GLP1R: variants seen among roughly 807,000 people sequenced by gnomAD.
GLP1R encodes the protein glucagon-like peptide 1 receptor.
Under a neutral mutation model 68.4 loss-of-function variants are expected in GLP1R, and 32 were observed. That is an observed-to-expected ratio of 0.47 (90% confidence interval 0.35 to 0.63). The LOEUF is 0.63. GLP1R is among the 20% of genes least tolerant of loss of function. GLP1R has a pLI of 0.00. For missense variants in GLP1R, 502 were observed against 594.9 expected (o/e 0.84, Z 1.62); for synonymous variants, 263 against 244.4 (o/e 1.08, Z -0.71).
rs758868498 is a variant in GLP1R, at chr6:39,065,822, G to T, written c.395G>T (p.Gly132Val). The T allele has an allele frequency of 4.4e-6, 7 of 1,590,962 alleles. No individual in the cohort carries two copies. In the South Asian group the frequency reaches 4.5e-5, roughly 10 times the overall value. ...DLSECEESKR[G>V]ERSSPEEQLL... The stretch of plus-strand genomic sequence containing the variant: ...TCGGAGTGCGAGGAGTCCAAGCGAG[G>T]GGAAAGAGTGAGTTGAGGCGGGGTT... Residue 132 changes from glycine to valine, a missense_variant, in exon 4 of 13, where the codon GGG becomes GTG. Physicochemically the swap from Gly to Val is moderately radical, Grantham distance 109. Transcript: ENST00000373256.
At position 39,049,274 on chromosome 6, in the gene GLP1R, G is replaced by A. The variant is rs1229372053; in HGVS notation, c.78+356G>A. ...CAACTCCTTCTAAACCGTGTCAGCG[G>A]CCCTGGCACAGCCCGGCATCCTCCC... On this transcript the variant is annotated intron_variant, in intron 1 of 12. Transcript: ENST00000373256. The surrounding 1 kb of genome is among the most constrained non-coding windows in gnomAD (Gnocchi z 4.5). Among the ~76,000 whole-genome samples, 1 of 152,116 alleles carries A rather than the reference G, an allele frequency of 6.6e-6. No homozygotes were observed.
chr6:39,054,151 G>C (rs969476304), intron 1 of GLP1R, among the ~76,000 whole-genome samples: 4 of 151,978 alleles, frequency 2.6e-5, no homozygotes, highest in African/African-American at 9.7e-5. Flanking sequence ...TGCCTTCCCT[G>C]TTATGTCACT....
rs1214298404 is a variant in GLP1R, at chr6:39,088,287, C to T, written c.*2214C>T. Reference sequence around the variant, plus strand: ...GAAATCTTTTCTTTGCTCCAACCCCCGCTCCCCCGGCCCCCCGAAGCTATT... The same window carrying T: ...GAAATCTTTTCTTTGCTCCAACCCCTGCTCCCCCGGCCCCCCGAAGCTATT... On this transcript the variant is annotated 3_prime_UTR_variant, in exon 13 of 13. Transcript: ENST00000373256. Among the ~76,000 whole-genome samples, 12 of 151,838 alleles carry T rather than the reference C, an allele frequency of 7.9e-5. No homozygotes were observed. The highest frequency in any genetic ancestry group is 1.6e-4 in the Non-Finnish European group (11 of 67,986).
rs17848990 is a variant in GLP1R, at chr6:39,057,761, C to T, written c.283+182C>T. Among the ~76,000 whole-genome samples, 426 of 149,454 alleles carry T rather than the reference C, an allele frequency of 2.9e-3. 6 individuals carry two copies. The highest frequency in any genetic ancestry group is 0.028 in the East Asian group (141 of 5,000). On this transcript the variant is annotated intron_variant, in intron 3 of 12. Coordinates refer to ENST00000373256, the MANE Select transcript of GLP1R (RefSeq NM_002062.5). ...CCTGCCCTGGGCCAGCAGTGGTGAG[C>T]CCCCTCCCTAACCTGGTACCTGCCG...
intron 7 of GLP1R, 53 bp downstream of exon 7, chr6:39,073,822 T>G: frequency 6.6e-7 from 1 of 1,516,582 alleles, no homozygotes; most frequent in South Asian, 1.1e-5. Context: ...TGGGAGACCT[T>G]GACCCCTCTT....
At chr6:39,076,020 C>T (rs12204668) in intron 7 of GLP1R, among the ~76,000 whole-genome samples, 47,134 of 152,114 alleles carry the variant, frequency 0.31, 7,928 homozygotes, top group Non-Finnish European at 0.38. Context: ...TGTTTGCATG[C>T]AGCAGGGCTT....
chr6:39,080,145 T>C (rs1768957665), intron 11 of GLP1R, among the ~76,000 whole-genome samples: 1 of 151,098 alleles, frequency 6.6e-6, no homozygotes, highest in South Asian at 2.1e-4. Context: ...TAGCATTAGA[T>C]GATGCTAAGG....
At chr6:39,050,062 A>G (rs1768049656) in intron 1 of GLP1R, among the ~76,000 whole-genome samples, 1 of 152,150 alleles carries the variant, frequency 6.6e-6, no homozygotes, top group African/African-American at 2.4e-5. Flanking sequence ...CATACCTCTC[A>G]GCTAAGATGC....
chr6:39,064,149 G>T (rs1562008168), intron 3 of GLP1R, among the ~76,000 whole-genome samples: 1 of 151,770 alleles, frequency 6.6e-6, no homozygotes, highest in Non-Finnish European at 1.5e-5. Flanking sequence ...GACTACAGGC[G>T]CACGCCACCA....
intron 1 of GLP1R, among the ~76,000 whole-genome samples, chr6:39,051,892 T>TG (rs1462606600): frequency 8.8e-4 from 114 of 129,654 alleles, no homozygotes; most frequent in African/African-American, 2.6e-3. Flanking sequence ...TGTGTGTGTG[T>TG]GTGGGGGGGG....
rs548361141 is a variant in GLP1R at position 39,088,838 on chromosome 6, CT to C, written c.*2766del. 2.5e-4 allele frequency among the ~76,000 whole-genome samples: 38 copies of C among 152,308 alleles called. No individual in the cohort carries two copies. Among genetic ancestry groups the C allele is most frequent in the African/African-American group, 7.7e-4 (32 of 41,560 alleles). On this transcript the variant is annotated 3_prime_UTR_variant, in exon 13 of 13. Coordinates refer to ENST00000373256, the MANE Select transcript of GLP1R (RefSeq NM_002062.5). ...CAGAGAAAGACCTTGGTGATCCCCC[CT>C]GGCCCGATCTATAGGATTGAGGAAT...
intron 5 of GLP1R, among the ~76,000 whole-genome samples, chr6:39,070,943 TAAATA>T (rs1768643882): frequency 6.6e-6 from 1 of 151,974 alleles, no homozygotes; most frequent in South Asian, 2.1e-4. Flanking sequence ...TTAGTATTGA[TAAATA>T]AAATTTATCA....
intron 3 of GLP1R, among the ~76,000 whole-genome samples, chr6:39,059,179 C>T (rs1307154368): frequency 6.6e-6 from 1 of 152,242 alleles, no homozygotes; most frequent in Non-Finnish European, 1.5e-5. Context: ...TTCTCCAATA[C>T]TGCCTGTTGG....
chr6:39,086,206 T>C lies in GLP1R; in HGVS notation c.*133T>C, dbSNP rs3138768. 4,232 of 408,178 alleles carry C rather than the reference T, an allele frequency of 0.01. 89 individuals are homozygous for C. Among genetic ancestry groups the C allele is most frequent in the African/African-American group, 0.08 (2,392 of 30,080 alleles). The allele number at this position is 408,178 out of a possible 1,614,324, so 25.3% of individuals were successfully genotyped here. ...ACACACACACACACACACACACACA[T>C]ACATCCTGCTTTCCCTCCCCAAACC... On this transcript the variant is annotated 3_prime_UTR_variant, in exon 13 of 13. Coordinates refer to ENST00000373256, the MANE Select transcript of GLP1R (RefSeq NM_002062.5). This position sits in a 1 kb window ranked among gnomAD's most constrained non-coding sequence, Gnocchi z 4.5.
At position 39,089,478 on chromosome 6, in the gene GLP1R, CCCTT is replaced by C. The variant is rs1407961371; in HGVS notation, c.*3408_*3411del. Among the ~76,000 whole-genome samples the C allele has an allele frequency of 5.9e-5, 9 of 152,180 alleles. No homozygotes were observed. The highest frequency in any genetic ancestry group is 1.2e-4 in the Non-Finnish European group (8 of 68,036). ...CCACAAAGGGCAAATGGAGTCAACT[CCCTT>C]CCATGCTCTGAAGGTCTTGGCCACT... On this transcript the variant is annotated 3_prime_UTR_variant, in exon 13 of 13. Transcript: ENST00000373256. The surrounding 1 kb of genome is among the most constrained non-coding windows in gnomAD (Gnocchi z 4.1).
intron 12 of GLP1R, among the ~76,000 whole-genome samples, chr6:39,081,192 C>A (rs1769004567): frequency 6.6e-6 from 1 of 152,064 alleles, no homozygotes; most frequent in African/African-American, 2.4e-5. Flanking sequence ...TTTATATATA[C>A]ATGAAAACAC....
rs34093988 is a variant in GLP1R at position 39,086,166 on chromosome 6, GACACACACACAC to G, written c.*121_*132del. ...ACTCCCAGGGACAAGGGAAGGAAGG[GACACACACACAC>G]ACACACACACACACACACACACACA... On this transcript the variant is annotated 3_prime_UTR_variant, in exon 13 of 13. Coordinates refer to ENST00000373256, the MANE Select transcript of GLP1R (RefSeq NM_002062.5). The surrounding 1 kb of genome is among the most constrained non-coding windows in gnomAD (Gnocchi z 4.5). The G allele has an allele frequency of 7.4e-5, 43 of 582,804 alleles. No individual in the cohort carries two copies. The highest frequency in any genetic ancestry group is 2.2e-4 in the South Asian group (10 of 46,198). The allele number at this position is 582,804 out of a possible 1,614,324, so 36.1% of individuals were successfully genotyped here.
At position 39,089,153 on chromosome 6, in the gene GLP1R, T is replaced by C. The variant is rs9296291; in HGVS notation, c.*3080T>C. On this transcript the variant is annotated 3_prime_UTR_variant, in exon 13 of 13. Coordinates refer to ENST00000373256, the MANE Select transcript of GLP1R (RefSeq NM_002062.5). The surrounding 1 kb of genome is among the most constrained non-coding windows in gnomAD (Gnocchi z 4.1). ...GGGGAAGGATGTGCTTTCCTATTTT[T>C]ACACTGGTACTTCATTCATCCTTGT... Among the ~76,000 whole-genome samples, 26,151 of 152,218 alleles carry C rather than the reference T, an allele frequency of 0.17. 2,819 individuals carry two copies. The highest frequency in any genetic ancestry group is 0.27 in the East Asian group (1,373 of 5,176).
At chr6:39,071,704 C>T (rs1250605364) in intron 5 of GLP1R, among the ~76,000 whole-genome samples, 4 of 152,112 alleles carry the variant, frequency 2.6e-5, no homozygotes, top group African/African-American at 9.7e-5. Flanking sequence ...GCCTTAGCTA[C>T]TGTAGATTTA....
Sources: gnomAD v4.1 joint callset for allele counts (sites outside exome capture counted in the v4.1 genomes callset) on GRCh38, gnomAD v4.1.1 for gene constraint, Gnocchi (gnomAD v3.1) non-coding constraint, MANE v1.5 for transcripts, NCBI Gene and HGNC (gene_info 2026-07-23, HGNC 2026-07-21) for gene names.